Variants in LRFN2 observed in about 807,000 individuals in gnomAD.
LRFN2 encodes leucine rich repeat and fibronectin type III domain containing 2.
LRFN2 carries 18 observed loss-of-function variants against 37.3 expected under a neutral mutation model. That is an observed-to-expected ratio of 0.48 (90% confidence interval 0.33 to 0.72). The LOEUF (loss-of-function observed/expected upper bound fraction) is 0.72, where lower values mean the gene tolerates loss of function less well. Among genes scored for constraint, LRFN2 ranks in the 30% least tolerant of loss-of-function variants. The pLI, the probability that LRFN2 is intolerant of heterozygous loss-of-function variation, is 0.02. For synonymous variants in LRFN2, 556 were observed against 466.6 expected (o/e 1.19, Z -2.47); for missense variants, 1,006 against 1,060.7 (o/e 0.95, Z 0.72).
chr6:40,467,685 T>G (rs979118871), intron 1 of LRFN2, among the ~76,000 whole-genome samples: 1 of 152,144 alleles, frequency 6.6e-6, no homozygotes, highest in African/African-American at 2.4e-5. Context: ...TGTTCTCTCT[T>G]TGACAGAGAC....
At chr6:40,402,562 C>A (rs967798176) in intron 2 of LRFN2, among the ~76,000 whole-genome samples, 3 of 152,138 alleles carry the variant, frequency 2.0e-5, no homozygotes, top group Non-Finnish European at 4.4e-5. Context: ...GTTAATTTAA[C>A]CTTGGGAAAT....
chr6:40,576,725 C>A (rs933976049), intron 1 of LRFN2, among the ~76,000 whole-genome samples: 9 of 152,164 alleles, frequency 5.9e-5, no homozygotes, highest in Non-Finnish European at 8.8e-5. Flanking sequence ...CTCTCTCCAC[C>A]CCAAGAGAGA....
intron 1 of LRFN2, among the ~76,000 whole-genome samples, chr6:40,457,116 A>G (rs1764250827): frequency 6.6e-6 from 1 of 151,400 alleles, no homozygotes; most frequent in African/African-American, 2.4e-5. Context: ...TACCTGTTCT[A>G]ATTCCTAGTC....
intron 1 of LRFN2, among the ~76,000 whole-genome samples, chr6:40,444,439 C>T (rs948173756): frequency 6.6e-6 from 1 of 152,142 alleles, no homozygotes; most frequent in Non-Finnish European, 1.5e-5. Context: ...AGATAAAAGC[C>T]GCTGTTGCCA....
chr6:40,406,010 G>A (rs184069540), intron 2 of LRFN2, among the ~76,000 whole-genome samples: 97 of 152,274 alleles, frequency 6.4e-4, no homozygotes, highest in African/African-American at 2.0e-3. Flanking sequence ...AGGCAACAGT[G>A]TCAGGGAGGG....
chr6:40,477,229 TG>T (rs1251966243), intron 1 of LRFN2, among the ~76,000 whole-genome samples: 3 of 152,154 alleles, frequency 2.0e-5, no homozygotes, highest in African/African-American at 7.2e-5. Flanking sequence ...TAACTCATGT[TG>T]GTGGTGGTTT....
chr6:40,396,686 CTG>C (rs3997706), intron 2 of LRFN2, among the ~76,000 whole-genome samples: 35,747 of 134,410 alleles, frequency 0.27, 4,213 homozygotes, highest in Middle Eastern at 0.36. Context: ...TTCCTCTGCT[CTG>C]TGTGTGTGTG....
intron 1 of LRFN2, among the ~76,000 whole-genome samples, chr6:40,490,932 G>A (rs554959953): frequency 1.1e-4 from 17 of 152,246 alleles, no homozygotes; most frequent in Middle Eastern, 3.4e-3. Flanking sequence ...TGTCTCGTCC[G>A]GATATATGGG....
At chr6:40,463,569 C>T (rs10214422) in intron 1 of LRFN2, among the ~76,000 whole-genome samples, 124,693 of 151,968 alleles carry the variant, frequency 0.82, 51,560 homozygotes, top group Middle Eastern at 0.9. Flanking sequence ...TTAGCGGAAT[C>T]TCTACCCTTC....
At chr6:40,396,222 A>G (rs1762611418) in intron 2 of LRFN2, among the ~76,000 whole-genome samples, 5 of 152,164 alleles carry the variant, frequency 3.3e-5, no homozygotes, top group Admixed American at 3.3e-4. Flanking sequence ...TCCACTTAAC[A>G]GATAAGAAAC....
At chr6:40,479,772 C>G (rs1764786310) in intron 1 of LRFN2, among the ~76,000 whole-genome samples, 1 of 152,238 alleles carries the variant, frequency 6.6e-6, no homozygotes, top group South Asian at 2.1e-4. Context: ...ACCTACAAGG[C>G]ATGGGCTCCA....
intron 1 of LRFN2, among the ~76,000 whole-genome samples, chr6:40,473,084 G>A (rs773600919): frequency 1.3e-5 from 2 of 152,068 alleles, no homozygotes; most frequent in Non-Finnish European, 1.5e-5. Flanking sequence ...CTTCTCCCAC[G>A]CCTCCAGATC....
At chr6:40,535,236 T>G (rs1315697016) in intron 1 of LRFN2, among the ~76,000 whole-genome samples, 1 of 152,142 alleles carries the variant, frequency 6.6e-6, no homozygotes, top group Non-Finnish European at 1.5e-5. Flanking sequence ...TCAAATGAGA[T>G]GATGAAAGGG....
chr6:40,481,328 A>G (rs1343912774), intron 1 of LRFN2, among the ~76,000 whole-genome samples: 1 of 151,692 alleles, frequency 6.6e-6, no homozygotes, highest in Non-Finnish European at 1.5e-5. Context: ...TCAGCTACTC[A>G]GGAGGCTGAG....
In LRFN2 at chr6:40,555,816, G is replaced by A. The variant is rs571083002; in HGVS notation, c.-19+31125C>T. Among the ~76,000 whole-genome samples, 279 of 151,916 alleles carry A rather than the reference G, an allele frequency of 1.8e-3. 1 individual carries two copies. Among genetic ancestry groups the A allele is most frequent in the African/African-American group, 6.4e-3 (267 of 41,430 alleles). On this transcript the variant is annotated intron_variant, in intron 1 of 2. Transcript: ENST00000338305. ...GCTCCAGCCCTCTCTACCTTGCCTC[G>A]AAATCCCCACCAATGGCCACCCATC...
intron 1 of LRFN2, among the ~76,000 whole-genome samples, chr6:40,514,276 G>A (rs1355067872): frequency 2.0e-5 from 3 of 152,134 alleles, no homozygotes; most frequent in Non-Finnish European, 4.4e-5. Flanking sequence ...TTTATACATA[G>A]TGTATGTATG....
intron 1 of LRFN2, among the ~76,000 whole-genome samples, chr6:40,464,583 G>A (rs1323531908): frequency 6.6e-6 from 1 of 152,154 alleles, no homozygotes; most frequent in Non-Finnish European, 1.5e-5. Context: ...CCACTCTCAG[G>A]TATTCTGTGA....
intron 2 of LRFN2, among the ~76,000 whole-genome samples, chr6:40,427,064 C>A (rs1424526263): frequency 1.3e-5 from 2 of 152,204 alleles, no homozygotes; most frequent in Non-Finnish European, 2.9e-5. Context: ...ATTTTCCTTA[C>A]CTTGAACTTG....
chr6:40,455,139 C>T (rs931805603), intron 1 of LRFN2, among the ~76,000 whole-genome samples: 1 of 152,194 alleles, frequency 6.6e-6, no homozygotes, highest in Non-Finnish European at 1.5e-5. Context: ...ATGTATACCT[C>T]TTGACTGTTT....
Sources: allele counts gnomAD v4.1 joint callset (sites outside exome capture counted in the v4.1 genomes callset), GRCh38; gene constraint gnomAD v4.1.1; transcripts MANE v1.5; gene names NCBI Gene and HGNC (gene_info 2026-07-23, HGNC 2026-07-21).